Variants in KLRG1 observed in about 807,000 individuals in gnomAD.
The protein encoded by KLRG1 is killer cell lectin like receptor G1, also known as killer cell lectin-like receptor subfamily G member 1.
KLRG1 carries 16 observed loss-of-function variants against 21.8 expected under a neutral mutation model. That is an observed-to-expected ratio of 0.73 (90% CI 0.50 to 1.11). The LOEUF is 1.11. Among genes scored for constraint, KLRG1 ranks in the 50% most tolerant of loss-of-function variants. The pLI, the probability that KLRG1 is intolerant of heterozygous loss-of-function variation, is 0.00. For missense variants in KLRG1, 173 were observed against 218.3 expected (o/e 0.79, Z 1.31); for synonymous variants, 69 against 75.9 (o/e 0.91, Z 0.47).
chr12:9,053,861 G>A, the KLRG1 span, among the ~76,000 whole-genome samples: 1 of 152,182 alleles, frequency 6.6e-6, no homozygotes, highest in Non-Finnish European at 1.5e-5. Context: ...CAACTGGTCT[G>A]AAGGACCCCA....
At chr12:8,984,110 A>C (rs188971491) in intron 1 of KLRG1, among the ~76,000 whole-genome samples, 1 of 151,492 alleles carries the variant, frequency 6.6e-6, no homozygotes, top group Non-Finnish European at 1.5e-5. Flanking sequence ...TTTTCCCTCT[A>C]TTCTTCATAT....
the KLRG1 span, among the ~76,000 whole-genome samples, chr12:9,046,542 G>A: frequency 6.6e-6 from 1 of 152,154 alleles, no homozygotes; most frequent in Admixed American, 6.5e-5. Context: ...GAGAGCAAAG[G>A]ATGAGAATTA....
At chr12:8,992,425 G>A (rs1283840380) in intron 2 of KLRG1, 115 bp downstream of exon 2, 2 of 668,404 alleles carry the variant, frequency 3.0e-6, no homozygotes, top group Admixed American at 5.7e-5. Context: ...CTCTCCATCT[G>A]TATACAGCTA....
chr12:9,163,743 T>G, the KLRG1 span: 1 of 1,613,808 alleles, frequency 6.2e-7, no homozygotes, highest in South Asian at 1.1e-5. Context: ...TTCCACAGAG[T>G]TCTAAGGACT....
At chr12:9,132,720 A>AT in the KLRG1 span, among the ~76,000 whole-genome samples, 1 of 152,174 alleles carries the variant, frequency 6.6e-6, no homozygotes, top group South Asian at 2.1e-4. Context: ...TGACCTAATA[A>AT]CTACTTTAAT....
At chr12:8,987,186 A>C (rs1305597508), upstream of KLRG1, 1 of 152,198 alleles carries the variant, frequency 6.6e-6, no homozygotes, top group Non-Finnish European at 1.5e-5. Context: ...ATTATTATGG[A>C]CTGAATGTTT....
chr12:8,982,117 C>G (rs1175341793), intron 1 of KLRG1, among the ~76,000 whole-genome samples: 2 of 152,152 alleles, frequency 1.3e-5, no homozygotes, highest in East Asian at 3.8e-4. Flanking sequence ...CCTTATATGA[C>G]AGATACTTTG....
the KLRG1 span, among the ~76,000 whole-genome samples, chr12:9,120,012 C>G: frequency 1.3e-5 from 2 of 152,050 alleles, no homozygotes; most frequent in Non-Finnish European, 2.9e-5. Context: ...AGCTTTCATG[C>G]CAATAGTGGG....
the KLRG1 span, among the ~76,000 whole-genome samples, chr12:9,143,885 G>A: frequency 1.3e-5 from 2 of 152,214 alleles, no homozygotes; most frequent in Non-Finnish European, 2.9e-5. Context: ...GAAGCCTAGG[G>A]TGTCTGTTTT....
At chr12:9,213,808 G>A in the KLRG1 span, among the ~76,000 whole-genome samples, 3 of 152,052 alleles carry the variant, frequency 2.0e-5, no homozygotes, top group Middle Eastern at 3.4e-3. Flanking sequence ...ATAGCGTCCT[G>A]AGACACATAG....
At chr12:9,099,172 T>G in the KLRG1 span, among the ~76,000 whole-genome samples, 1 of 152,164 alleles carries the variant, frequency 6.6e-6, no homozygotes, top group Non-Finnish European at 1.5e-5. Flanking sequence ...GTGTAATTGG[T>G]AAGAGGCACT....
intron 1 of KLRG1, among the ~76,000 whole-genome samples, chr12:8,975,382 A>G (rs896212445): frequency 5.9e-5 from 9 of 152,052 alleles, no homozygotes; most frequent in African/African-American, 1.4e-4. Flanking sequence ...TTCTCAATTC[A>G]GTTTCAGTTG....
chr12:9,165,568 T>C, the KLRG1 span, among the ~76,000 whole-genome samples: 2 of 152,210 alleles, frequency 1.3e-5, no homozygotes, highest in African/African-American at 2.4e-5. Context: ...CTCTCCCCCT[T>C]ATCAACAAAT....
intron 1 of KLRG1, among the ~76,000 whole-genome samples, chr12:8,956,439 C>T (rs964231136): frequency 5.3e-5 from 8 of 152,054 alleles, no homozygotes; most frequent in Non-Finnish European, 7.4e-5. Flanking sequence ...CACCCCCCAC[C>T]GCATTTTTTT....
intron 1 of KLRG1, among the ~76,000 whole-genome samples, chr12:8,975,433 T>G (rs2137267930): frequency 6.6e-6 from 1 of 152,340 alleles, no homozygotes; most frequent in Admixed American, 6.5e-5. Flanking sequence ...TTGTAGGTTA[T>G]CCAATTTGTT....
At chr12:9,146,931 C>T in the KLRG1 span, among the ~76,000 whole-genome samples, 16 of 152,108 alleles carry the variant, frequency 1.1e-4, no homozygotes, top group East Asian at 5.8e-4. Context: ...TTTTCCCAGG[C>T]GGAAGTTGAG....
the KLRG1 span, among the ~76,000 whole-genome samples, chr12:9,191,914 T>A: frequency 6.6e-6 from 1 of 152,184 alleles, no homozygotes; most frequent in Admixed American, 6.5e-5. Flanking sequence ...AGAAGGCAGC[T>A]TAGATTTTGA....
the KLRG1 span, among the ~76,000 whole-genome samples, chr12:9,019,509 T>A: frequency 6.6e-6 from 1 of 152,186 alleles, no homozygotes; most frequent in Non-Finnish European, 1.5e-5. Flanking sequence ...CCAAGATTTG[T>A]CAGCAATCTA....
chr12:9,070,077 A>C, the KLRG1 span, among the ~76,000 whole-genome samples: 9 of 152,362 alleles, frequency 5.9e-5, no homozygotes, highest in African/African-American at 2.2e-4. Context: ...TCATATTTCA[A>C]AGTTCAATTC....
Sources: gnomAD v4.1 joint callset for allele counts (sites outside exome capture counted in the v4.1 genomes callset) on GRCh38, gnomAD v4.1.1 for gene constraint, MANE v1.5 for transcripts, NCBI Gene and HGNC (gene_info 2026-07-23, HGNC 2026-07-21) for gene names.